ADGRG2: variants seen among roughly 807,000 people sequenced by gnomAD.
The protein encoded by ADGRG2 is adhesion G protein-coupled receptor G2.
In ADGRG2, 26 loss-of-function variants were observed where a neutral mutation model predicts 74.1. The observed-to-expected ratio is 0.35, with a 90% confidence interval of 0.26 to 0.49. ADGRG2 has a LOEUF of 0.49. Ranked by LOEUF, ADGRG2 falls within the 20% of genes least tolerant of loss-of-function variation. The pLI, the probability that ADGRG2 is intolerant of heterozygous loss-of-function variation, is 0.99. For synonymous variants in ADGRG2, 296 were observed against 295.2 expected (o/e 1.00, Z -0.03); for missense variants, 619 against 763.1 (o/e 0.81, Z 2.22).
intron 3 of ADGRG2, among the ~76,000 whole-genome samples, chrX:19,047,324 C>T (rs374009066): frequency 9.0e-6 from 1 of 111,613 alleles, no homozygotes; most frequent in African/African-American, 3.3e-5. Flanking sequence ...CTAATGCCTG[C>T]TCCTTCACTC....
chrX:19,023,081 T>C (rs2060627717), intron 13 of ADGRG2, among the ~76,000 whole-genome samples: 1 of 111,479 alleles, frequency 9.0e-6, no homozygotes. Context: ...CCTCTTTTTG[T>C]TCTGGCCTTC....
At chrX:19,056,783 G>A (rs1252994065) in intron 3 of ADGRG2, among the ~76,000 whole-genome samples, 2 of 111,307 alleles carry the variant, frequency 1.8e-5, no homozygotes, top group Non-Finnish European at 3.8e-5. Context: ...TTAATAATCT[G>A]TAACTCTGAT....
intron 13 of ADGRG2, 104 bp downstream of exon 13, chrX:19,023,312 T>C: frequency 2.2e-6 from 1 of 462,483 alleles, no homozygotes; most frequent in Non-Finnish European, 3.7e-6. Context: ...ATGTATTTAT[T>C]TTAGAGGACC....
At position 19,068,753 on chromosome X, in the gene ADGRG2, T is replaced by C; in HGVS notation, c.82A>G (p.Ile28Val). The part of the protein sequence containing the change: ...LLTFKIFLVI[I>V]CLHVVLVTSL... ...GTTACCAGAACGACATGAAGACAAA[T>C]GATGACAAGGAATATCTTGAACGTC... The change falls in exon 3 of 29, where the codon ATT becomes GTT. Residue 28 changes from isoleucine to valine, a missense_variant. By Grantham distance (29) the Ile-to-Val change is conservative (BLOSUM62 3). This residue lies in a region of ADGRG2 where 292 missense variants were observed against 318.0 expected (regional missense o/e 0.92). Transcript: ENST00000379869. The C allele has an allele frequency of 8.8e-7, 1 of 1,130,325 alleles. No individual in the cohort carries two copies. Among genetic ancestry groups the C allele is most frequent in the Non-Finnish European group, 1.2e-6 (1 of 828,553 alleles). 93.2% of individuals were successfully genotyped at this position (1,130,325 alleles called of 1,213,427 possible).
chrX:19,074,860 C>T (rs998185099), intron 2 of ADGRG2, among the ~76,000 whole-genome samples: 9 of 110,043 alleles, frequency 8.2e-5, no homozygotes, highest in South Asian at 3.9e-4. Flanking sequence ...CGTGAGCCAC[C>T]ATGCCCAGCT....
chrX:19,033,515 G>A lies in ADGRG2; in HGVS notation c.304+98C>T, dbSNP rs2060870588. ...TTAAGACCAGATTTTATCTTGAAAA[G>A]TTTGGAAAAAAGAGAAAGAAATTAT... On this transcript the variant is annotated intron_variant, in intron 8 of 28. Transcript: ENST00000379869. 3.9e-5 allele frequency: 19 copies of A among 490,132 alleles called. No individual in the cohort carries two copies. In the South Asian group the frequency reaches 5.1e-4, roughly 13 times the overall value. 40.4% of individuals were successfully genotyped at this position (490,132 alleles called of 1,213,427 possible). A position where few individuals can be genotyped will look rare whatever the true frequency, so the allele number is the denominator to read the frequency against.
chrX:19,041,395 C>T (rs1226113783), intron 3 of ADGRG2, among the ~76,000 whole-genome samples: 1 of 111,806 alleles, frequency 8.9e-6, no homozygotes, highest in Non-Finnish European at 1.9e-5. Context: ...AGTGTTACAT[C>T]CCCAAATACT....
chrX:19,009,122 G>C (rs1394143447), intron 18 of ADGRG2, among the ~76,000 whole-genome samples: 2 of 110,859 alleles, frequency 1.8e-5, no homozygotes, highest in Non-Finnish European at 3.8e-5. Context: ...AGCTGCTAAA[G>C]GGTTAACGCA....
chrX:19,052,400 A>G (rs1386596782), intron 3 of ADGRG2, among the ~76,000 whole-genome samples: 3 of 111,494 alleles, frequency 2.7e-5, no homozygotes, highest in Non-Finnish European at 5.7e-5. Flanking sequence ...CGGCACAAAA[A>G]GATGGTGGCC....
At chrX:19,042,601 G>A (rs1433206210) in intron 3 of ADGRG2, among the ~76,000 whole-genome samples, 2 of 111,641 alleles carry the variant, frequency 1.8e-5, no homozygotes, top group Non-Finnish European at 3.8e-5. Flanking sequence ...AAGAGCCAGA[G>A]CAGAGAAGGA....
chrX:19,062,732 T>C (rs2061505878), intron 3 of ADGRG2, among the ~76,000 whole-genome samples: 1 of 110,125 alleles, frequency 9.1e-6, no homozygotes, highest in South Asian at 3.9e-4. Context: ...CAAGAGAGGA[T>C]AGGAGGAAAT....
At chrX:19,045,174 A>C (rs770124860) in intron 3 of ADGRG2, among the ~76,000 whole-genome samples, 1 of 110,893 alleles carries the variant, frequency 9.0e-6, no homozygotes, top group Non-Finnish European at 1.9e-5. Context: ...CATTGCTTGT[A>C]GACCTGAGAT....
rs190218294 is a variant in ADGRG2, at chrX:19,028,760, C to T, written c.359-522G>A. Among the ~76,000 whole-genome samples the T allele has an allele frequency of 2.7e-4, 30 of 111,615 alleles. No individual in the cohort carries two copies. In the South Asian group the frequency reaches 4.5e-3, roughly 17 times the overall value. On this transcript the variant is annotated intron_variant, in intron 9 of 28. Transcript: ENST00000379869. ...CCTGCGCCGCATGTGGCCCATGGGC[C>T]GCAGTTGAACAAGCTTGATCTCGTG...
chrX:19,045,435 G>T (rs1350251311), intron 3 of ADGRG2, among the ~76,000 whole-genome samples: 1 of 108,188 alleles, frequency 9.2e-6, no homozygotes, highest in Non-Finnish European at 1.9e-5. Flanking sequence ...AGCCTCCCGA[G>T]TAGCTGGGAT....
intron 2 of ADGRG2, among the ~76,000 whole-genome samples, chrX:19,077,618 C>T (rs2061774204): frequency 1.8e-5 from 2 of 109,928 alleles, no homozygotes; most frequent in African/African-American, 6.6e-5. Flanking sequence ...ATACAAACTC[C>T]AATTATATGC....
At chrX:19,017,977 G>A (rs1487978343) in intron 15 of ADGRG2, among the ~76,000 whole-genome samples, 1 of 111,033 alleles carries the variant, frequency 9.0e-6, no homozygotes, top group African/African-American at 3.3e-5. Flanking sequence ...GTATACACCT[G>A]TGGTCACATC....
Position 19,068,775 on chromosome X carries a change from C to T in ADGRG2, c.60G>A (p.Thr20=), listed in dbSNP as rs771792353. 52 of 1,169,659 alleles carry T rather than the reference C, an allele frequency of 4.4e-5. No individual in the cohort carries two copies. Among genetic ancestry groups the T allele is most frequent in the Non-Finnish European group, 5.4e-5 (47 of 862,594 alleles). Residue 20 remains threonine, a synonymous_variant, in exon 3 of 29, where the codon ACG becomes ACA. Coordinates refer to ENST00000379869, the MANE Select transcript of ADGRG2 (RefSeq NM_001079858.3). ...HVGRTEEVLL[T]FKIFLVIICL... ...AAATGATGACAAGGAATATCTTGAA[C>T]GTCAGTAAAACTTCTTCAGTTCTGC...
rs538572664 is a variant in ADGRG2, at chrX:19,037,502, G to A, written c.203-12C>T. ...TGTTGTTTCAACCTCTTTTTGTCCC[G>A]AGGAGAAAAACAATACAAAGATATA... On this transcript the variant is annotated splice_polypyrimidine_tract_variant and intron_variant, in intron 5 of 28. Transcript: ENST00000379869. 26 of 1,166,339 alleles carry A rather than the reference G, an allele frequency of 2.2e-5. No individual in the cohort carries two copies. In the Admixed American group the frequency reaches 4.8e-4, roughly 22 times the overall value.
chrX:19,031,134 G>A, intron 8 of ADGRG2, 97 bp from the exon 9 acceptor site: 1 of 581,348 alleles, frequency 1.7e-6, no homozygotes, highest in Non-Finnish European at 2.9e-6. Context: ...CATCAAATGT[G>A]GACCAGAAAT....
Sources: allele counts gnomAD v4.1 joint callset (sites outside exome capture counted in the v4.1 genomes callset), GRCh38; gene constraint gnomAD v4.1.1; regional missense constraint gnomAD v4.1.1; transcripts MANE v1.5; gene names NCBI Gene and HGNC (gene_info 2026-07-23, HGNC 2026-07-21).